RGS6: variants seen among roughly 807,000 people sequenced by gnomAD.
RGS6 encodes regulator of G protein signaling 6.
In RGS6, 30 loss-of-function variants were observed where a neutral mutation model predicts 78.5. The ratio of observed to expected loss-of-function variants is 0.38; its 90% CI spans 0.29 to 0.52. RGS6 has a LOEUF of 0.52. Ranked by LOEUF, RGS6 falls within the 20% of genes least tolerant of loss-of-function variation. The probability of loss-of-function intolerance (pLI) is 0.85; values close to 1 mark genes in which losing one functional copy is unlikely to be tolerated. For synonymous variants in RGS6, 206 were observed against 206.0 expected, an observed-to-expected ratio of 1.00 and a Z score of 0.00; for missense variants, 495 against 609.7, an observed-to-expected ratio of 0.81 and a Z score of 1.98.
intron 2 of RGS6, among the ~76,000 whole-genome samples, chr14:72,172,223 T>C (rs576922986): frequency 1.3e-5 from 2 of 151,820 alleles, no homozygotes; most frequent in East Asian, 3.9e-4. Context: ...CTGAACTCTT[T>C]TAGATTTCCA....
At chr14:72,498,430 C>T (rs528613287) in intron 13 of RGS6, among the ~76,000 whole-genome samples, 1 of 152,248 alleles carries the variant, frequency 6.6e-6, no homozygotes, top group East Asian at 1.9e-4. Flanking sequence ...AAATGAAGGT[C>T]TTAGCTTTCA....
chr14:72,085,950 C>T (rs1303545803), intron 2 of RGS6, among the ~76,000 whole-genome samples: 2 of 151,240 alleles, frequency 1.3e-5, no homozygotes, highest in South Asian at 2.1e-4. Context: ...TTTGTTTCCT[C>T]GTTATAATGA....
rs1174193160 is a variant in RGS6, at chr14:72,481,665, C to G, written c.854+3336C>G. On this transcript the variant is annotated intron_variant, in intron 12 of 17. Coordinates refer to ENST00000553525, the MANE Select transcript of RGS6 (RefSeq NM_001204424.2). ...TGGCAACCAAACTGCATTTCCTAGGCTGCCTTTTGCACCTGGAAGCAACAC... is the reference window on the plus strand; with the variant it reads ...TGGCAACCAAACTGCATTTCCTAGGGTGCCTTTTGCACCTGGAAGCAACAC... Among the ~76,000 whole-genome samples, 3 of 152,304 alleles carry G rather than the reference C, an allele frequency of 2.0e-5. 1 individual carries two copies. Among genetic ancestry groups the G allele is most frequent in the Admixed American group, 2.0e-4 (3 of 15,298 alleles).
the RGS6 span, among the ~76,000 whole-genome samples, chr14:71,870,841 G>A: frequency 1.3e-5 from 2 of 152,178 alleles, no homozygotes; most frequent in Non-Finnish European, 2.9e-5. Flanking sequence ...CCCAGCTGAG[G>A]ACTCACTTGA....
At chr14:72,421,216 T>G (rs1329881377) in intron 3 of RGS6, 1 of 148,744 alleles carries the variant, frequency 6.7e-6, no homozygotes, top group African/African-American at 2.5e-5. Context: ...AAATGTGGGG[T>G]GAGGGGAAGG....
chr14:72,484,133 C>T (rs143457830), intron 12 of RGS6, among the ~76,000 whole-genome samples: 5 of 152,290 alleles, frequency 3.3e-5, no homozygotes, highest in East Asian at 3.9e-4. Flanking sequence ...CAGAGCGAGG[C>T]GTGCCAGCAT....
At chr14:72,526,244 C>T (rs191759364) in intron 15 of RGS6, among the ~76,000 whole-genome samples, 3 of 150,728 alleles carry the variant, frequency 2.0e-5, no homozygotes, top group Admixed American at 1.3e-4. Context: ...GCTGGGACTA[C>T]AGGTACCTGC....
intron 2 of RGS6, among the ~76,000 whole-genome samples, chr14:72,330,503 C>T (rs148447480): frequency 1.3e-5 from 2 of 152,250 alleles, no homozygotes; most frequent in East Asian, 3.9e-4. Flanking sequence ...TACCCTCTTA[C>T]TGAATACCCA....
At chr14:71,912,953 G>A in the RGS6 span, among the ~76,000 whole-genome samples, 3 of 151,982 alleles carry the variant, frequency 2.0e-5, no homozygotes, top group African/African-American at 7.3e-5. Context: ...AGCCTCCCGG[G>A]TAGCTGGGAC....
the RGS6 span, among the ~76,000 whole-genome samples, chr14:71,918,354 T>A: frequency 2.0e-5 from 3 of 152,162 alleles, no homozygotes; most frequent in Middle Eastern, 3.2e-3. Context: ...CATAGTGAAA[T>A]TAAAGGCTGC....
chr14:72,370,683 G>A (rs1274322272), intron 3 of RGS6, among the ~76,000 whole-genome samples: 1 of 151,944 alleles, frequency 6.6e-6, no homozygotes, highest in Non-Finnish European at 1.5e-5. Context: ...ATTGTGATTG[G>A]GACAGTACCT....
chr14:72,548,444 A>T (rs568288273), intron 17 of RGS6, among the ~76,000 whole-genome samples: 2 of 152,066 alleles, frequency 1.3e-5, no homozygotes, highest in East Asian at 1.9e-4. Flanking sequence ...AAAAAAAAAA[A>T]TTTCTTGGGT....
At chr14:72,148,325 G>A (rs12890911) in intron 2 of RGS6, among the ~76,000 whole-genome samples, 19,025 of 151,914 alleles carry the variant, frequency 0.13, 1,381 homozygotes, top group South Asian at 0.19. Flanking sequence ...TTGTGTCCAT[G>A]AGTTCGAGGC....
intron 2 of RGS6, among the ~76,000 whole-genome samples, chr14:72,247,387 A>G (rs558618485): frequency 6.6e-6 from 1 of 152,312 alleles, no homozygotes; most frequent in Non-Finnish European, 1.5e-5. Flanking sequence ...TACTCCTGCA[A>G]ACTTCATTAT....
chr14:71,953,036 A>G (rs1223645430), intron 1 of RGS6, among the ~76,000 whole-genome samples: 2 of 152,198 alleles, frequency 1.3e-5, no homozygotes, highest in African/African-American at 2.4e-5. Flanking sequence ...GCGAAATAAG[A>G]GAATAATAAA....
Position 72,141,308 on chromosome 14 carries a change from A to G in RGS6, c.84+176433A>G, listed in dbSNP as rs142304814. Among the ~76,000 whole-genome samples the G allele has an allele frequency of 6.8e-3, 1,029 of 152,198 alleles. 35 individuals carry two copies. The highest frequency in any genetic ancestry group is 0.06 in the Admixed American group (910 of 15,286). ...ACTCATCTATGCCTCAAGAACTCCAATCTTCATGCAGATTCTGTTGCCCTT... is the reference window on the plus strand; with the variant it reads ...ACTCATCTATGCCTCAAGAACTCCAGTCTTCATGCAGATTCTGTTGCCCTT... On this transcript the variant is annotated intron_variant, in intron 2 of 17. Transcript: ENST00000553525.
At chr14:72,179,826 G>C (rs2097151828) in intron 2 of RGS6, among the ~76,000 whole-genome samples, 1 of 152,110 alleles carries the variant, frequency 6.6e-6, no homozygotes, top group Non-Finnish European at 1.5e-5. Context: ...TCCCACCCCA[G>C]ACCTACTGAA....
chr14:72,178,999 G>A (rs1175608121), intron 2 of RGS6, among the ~76,000 whole-genome samples: 1 of 152,146 alleles, frequency 6.6e-6, no homozygotes, highest in African/African-American at 2.4e-5. Context: ...TGTCATGTGG[G>A]ATCCAGCACA....
At chr14:72,373,886 A>C (rs1020342198) in intron 3 of RGS6, among the ~76,000 whole-genome samples, 1 of 152,134 alleles carries the variant, frequency 6.6e-6, no homozygotes. Flanking sequence ...ATACAAATAT[A>C]TAAAATTATG....
Sources: gnomAD v4.1 joint callset for allele counts (sites outside exome capture counted in the v4.1 genomes callset) on GRCh38, gnomAD v4.1.1 for gene constraint, MANE v1.5 for transcripts, NCBI Gene and HGNC (gene_info 2026-07-23, HGNC 2026-07-21) for gene names.